Variants in DCBLD2 observed in about 807,000 individuals in gnomAD.
DCBLD2 encodes discoidin, CUB and LCCL domain-containing protein 2.
Under a neutral mutation model 86.8 loss-of-function variants are expected in DCBLD2, and 54 were observed. The observed-to-expected ratio is 0.62, with a 90% CI of 0.50 to 0.78. The LOEUF is 0.78. DCBLD2 is among the 30% of genes least tolerant of loss of function. The pLI is 0.00. For synonymous variants in DCBLD2, 354 were observed against 341.3 expected, an observed-to-expected ratio of 1.04 and a Z score of -0.41; for missense variants, 908 against 954.2, an observed-to-expected ratio of 0.95 and a Z score of 0.64.
intron 5 of DCBLD2, 60 bp downstream of exon 5, chr3:98,822,608 CT>C: frequency 6.8e-7 from 1 of 1,462,862 alleles, no homozygotes; most frequent in African/African-American, 1.4e-5. Flanking sequence ...TCTAACTACT[CT>C]GGAGTTCTAA....
chr3:98,870,923 A>T (rs1943271392), intron 2 of DCBLD2, among the ~76,000 whole-genome samples: 1 of 151,178 alleles, frequency 6.6e-6, no homozygotes, highest in Non-Finnish European at 1.5e-5. Flanking sequence ...TGAACATAGG[A>T]GGTTTTCTAT....
rs1943037059 is a variant in DCBLD2, at chr3:98,861,230, C to A, written c.434-11632G>T. 2.0e-5 allele frequency among the ~76,000 whole-genome samples: 3 copies of A among 152,108 alleles called. No individual in the cohort carries two copies. In the South Asian group the frequency reaches 6.2e-4, roughly 32 times the overall value. ...GAGAACCCAGATTCATAAAGCAAGT[C>A]CTTAGAGATCTACAAGGAGACTTAG... On this transcript the variant is annotated intron_variant, in intron 2 of 15. Coordinates refer to ENST00000326840, the MANE Select transcript of DCBLD2 (RefSeq NM_080927.4).
chr3:98,812,604 A>G (rs1413960156), intron 9 of DCBLD2, 122 bp from the exon 10 acceptor site: 3 of 694,072 alleles, frequency 4.3e-6, no homozygotes, highest in African/African-American at 3.7e-5. Context: ...AAGTATGATA[A>G]TAAGGATCAA....
chr3:98,799,818 C>T lies in DCBLD2; in HGVS notation c.1882G>A (p.Gly628Arg), dbSNP rs1941684771. The T allele has an allele frequency of 6.2e-7, 1 of 1,612,172 alleles. No homozygotes were observed. Among genetic ancestry groups the T allele is most frequent in the Non-Finnish European group, 8.5e-7 (1 of 1,178,778 alleles). ...SAEYAQPLVG[G>R]IVGTLHQRST... is the part of the protein sequence containing the mutation. ...CTTTGATGAAGTGTACCAACAATTC[C>T]TCCTACCAGTGGCTGAGCATACTCT... Residue 628 changes from glycine to arginine, a missense_variant, in exon 16 of 16, where the codon GGA becomes AGA. By Grantham distance (125) the Gly-to-Arg change is moderately radical (BLOSUM62 -2). Transcript: ENST00000326840.
chr3:98,842,459 A>T (rs1392556888), intron 3 of DCBLD2, among the ~76,000 whole-genome samples: 1 of 152,226 alleles, frequency 6.6e-6, no homozygotes, highest in Non-Finnish European at 1.5e-5. Context: ...ATAGTATAGT[A>T]CAACATAATT....
chr3:98,869,550 G>C (rs1430905309), intron 2 of DCBLD2, among the ~76,000 whole-genome samples: 3 of 152,136 alleles, frequency 2.0e-5, no homozygotes, highest in Non-Finnish European at 4.4e-5. Flanking sequence ...TTCTAAAATT[G>C]TTATGGTTTC....
intron 3 of DCBLD2, among the ~76,000 whole-genome samples, chr3:98,836,883 A>C (rs1576171721): frequency 6.4e-5 from 3 of 46,996 alleles, no homozygotes; most frequent in Non-Finnish European, 8.6e-5. Flanking sequence ...CGACACCCCC[A>C]CCTCCCTCCC....
At position 98,812,428 on chromosome 3, in the gene DCBLD2, G is replaced by A. The variant is rs778535698; in HGVS notation, c.1267C>T (p.Pro423Ser). The A allele has an allele frequency of 6.2e-7, 1 of 1,613,162 alleles. No homozygotes were observed. Among genetic ancestry groups the A allele is most frequent in the African/African-American group, 1.3e-5 (1 of 74,852 alleles). ...ACTCTAATAAAACGTGCAATAATTGGTGGCAAAAAGTTATTACGCACATCC... is the reference window on the plus strand; with the variant it reads ...ACTCTAATAAAACGTGCAATAATTGATGGCAAAAAGTTATTACGCACATCC... Reference protein sequence around the residue: ...HQDVRNNFLPPIIARFIRVNP... With the variant: ...HQDVRNNFLPSIIARFIRVNP... The change falls in exon 10 of 16, where the codon CCA becomes TCA. Residue 423 changes from proline to serine, a missense_variant. By Grantham distance (74) the Pro-to-Ser change is moderately conservative. Coordinates refer to ENST00000326840, the MANE Select transcript of DCBLD2 (RefSeq NM_080927.4).
At chr3:98,891,497 C>A (rs1943661719) in intron 1 of DCBLD2, among the ~76,000 whole-genome samples, 1 of 152,104 alleles carries the variant, frequency 6.6e-6, no homozygotes, top group Non-Finnish European at 1.5e-5. Flanking sequence ...TTTTCTCCCT[C>A]TAATCCACTG....
intron 13 of DCBLD2, among the ~76,000 whole-genome samples, chr3:98,802,790 A>T (rs1941754386): frequency 6.6e-6 from 1 of 152,206 alleles, no homozygotes; most frequent in Admixed American, 6.5e-5. Flanking sequence ...TCCCAGCACC[A>T]TTTATTAAAT....
intron 2 of DCBLD2, 90 bp from the exon 3 acceptor site, chr3:98,849,688 C>A: frequency 1.4e-6 from 2 of 1,381,038 alleles, no homozygotes; most frequent in Admixed American, 2.3e-5. Flanking sequence ...GAATAATATA[C>A]CAAGCTGGCT....
intron 1 of DCBLD2, among the ~76,000 whole-genome samples, chr3:98,894,555 AT>A (rs1256502803): frequency 6.6e-6 from 1 of 152,068 alleles, no homozygotes; most frequent in African/African-American, 2.4e-5. Context: ...AGCTTGAAGG[AT>A]TCCTCTCATA....
intron 3 of DCBLD2, among the ~76,000 whole-genome samples, chr3:98,847,890 C>A (rs1175967533): frequency 6.6e-6 from 1 of 152,186 alleles, no homozygotes; most frequent in African/African-American, 2.4e-5. Flanking sequence ...CCCACAGCAG[C>A]TAAAACACGT....
intron 6 of DCBLD2, 150 bp from the exon 7 acceptor site, chr3:98,820,438 C>T (rs1224321194): frequency 4.0e-6 from 2 of 504,214 alleles, no homozygotes; most frequent in Non-Finnish European, 6.4e-6. Flanking sequence ...TAATATTGTT[C>T]CTAGGAAAAA....
intron 2 of DCBLD2, among the ~76,000 whole-genome samples, chr3:98,861,444 C>T (rs1943042142): frequency 2.0e-5 from 3 of 152,118 alleles, no homozygotes; most frequent in Admixed American, 2.0e-4. Flanking sequence ...CACCACATTG[C>T]ACTTATTCCA....
In DCBLD2 at chr3:98,857,467, C is replaced by T. The variant is rs140620086; in HGVS notation, c.434-7869G>A. ...ATTAGTCCATTTTACAGAGAGCCGA[C>T]TGGTCCATTTTACAGAGAGCTTATT... On this transcript the variant is annotated intron_variant, in intron 2 of 15. Coordinates refer to ENST00000326840, the MANE Select transcript of DCBLD2 (RefSeq NM_080927.4). Among the ~76,000 whole-genome samples the T allele has an allele frequency of 8.4e-3, 1,148 of 137,168 alleles. 12 individuals carry two copies. The highest frequency in any genetic ancestry group is 0.022 in the African/African-American group (801 of 36,232). The allele number at this position is 137,168 out of a possible 152,430, so 90.0% of individuals were successfully genotyped here. A position where few individuals can be genotyped will look rare whatever the true frequency, so the allele number is the denominator to read the frequency against.
intron 3 of DCBLD2, among the ~76,000 whole-genome samples, chr3:98,833,798 C>T (rs965641609): frequency 6.6e-6 from 1 of 152,220 alleles, no homozygotes; most frequent in African/African-American, 2.4e-5. Flanking sequence ...GTGAGGGCTG[C>T]AAGGCAGAAA....
At chr3:98,881,262 A>G (rs923310961) in intron 2 of DCBLD2, among the ~76,000 whole-genome samples, 1 of 122,240 alleles carries the variant, frequency 8.2e-6, no homozygotes, top group Non-Finnish European at 1.7e-5. Flanking sequence ...CTCAAAAAAA[A>G]AAACAAAAAA....
intron 3 of DCBLD2, among the ~76,000 whole-genome samples, chr3:98,832,631 G>C (rs1432116290): frequency 6.6e-6 from 1 of 152,118 alleles, no homozygotes; most frequent in Non-Finnish European, 1.5e-5. Flanking sequence ...AGGTGGGTCT[G>C]GTGGTAATGA....
Sources: allele counts gnomAD v4.1 joint callset (sites outside exome capture counted in the v4.1 genomes callset), GRCh38; gene constraint gnomAD v4.1.1; transcripts MANE v1.5; gene names NCBI Gene and HGNC (gene_info 2026-07-23, HGNC 2026-07-21).